Variants in KLHL13 observed in about 807,000 individuals in gnomAD.
The protein encoded by KLHL13 is kelch-like protein 13.
A neutral mutation model predicts 37.1 loss-of-function variants in KLHL13; 10 were observed. The ratio of observed to expected loss-of-function variants is 0.27; its 90% CI spans 0.17 to 0.46. The LOEUF is 0.46. Ranked by LOEUF, KLHL13 falls within the 20% of genes least tolerant of loss-of-function variation. The pLI is 1.00. For missense variants in KLHL13, 360 were observed against 509.3 expected, an observed-to-expected ratio of 0.71 and a Z score of 2.82; for synonymous variants, 163 against 181.2, an observed-to-expected ratio of 0.90 and a Z score of 0.81.
chrX:117,910,903 C>T (rs768849280), intron 4 of KLHL13, among the ~76,000 whole-genome samples: 1 of 111,325 alleles, frequency 9.0e-6, no homozygotes, highest in African/African-American at 3.3e-5. Context: ...ATCTCCCCAC[C>T]ATAGAGCAAA....
At chrX:118,050,982 G>T (rs770589729) in intron 1 of KLHL13, among the ~76,000 whole-genome samples, 6 of 111,261 alleles carry the variant, frequency 5.4e-5, no homozygotes, top group Non-Finnish European at 9.4e-5. Context: ...GCTGCTGCAG[G>T]ATCATAAATG....
chrX:117,927,024 G>T (rs1254895240), intron 2 of KLHL13, among the ~76,000 whole-genome samples: 1 of 102,665 alleles, frequency 9.7e-6, no homozygotes. Context: ...TCCTGCCTCA[G>T]CCTCCCGAGT....
chrX:118,090,774 C>T (rs944785401), intron 1 of KLHL13, among the ~76,000 whole-genome samples: 8 of 109,730 alleles, frequency 7.3e-5, no homozygotes, highest in African/African-American at 2.0e-4. Flanking sequence ...CATCCCATTA[C>T]TGGGTATATA....
At chrX:117,975,738 T>C (rs1483784509), upstream of KLHL13, among the ~76,000 whole-genome samples, 2 of 112,105 alleles carry the variant, frequency 1.8e-5, no homozygotes, top group Admixed American at 1.9e-4. Flanking sequence ...GTAAAAAACA[T>C]GGTAGTGAAG....
At chrX:117,946,778 T>A (rs1033004806) in intron 1 of KLHL13, 19 of 112,192 alleles carry the variant, frequency 1.7e-4, no homozygotes, top group African/African-American at 5.8e-4. Context: ...GGTTTCACCT[T>A]TTTTTCCTGT....
intron 1 of KLHL13, among the ~76,000 whole-genome samples, chrX:118,069,108 G>GACACACACACACACACAC (rs1569307938): frequency 2.7e-5 from 2 of 73,279 alleles, no homozygotes; most frequent in African/African-American, 1.1e-4. Flanking sequence ...ATCCAGAAGA[G>GACACACACACACACACAC]TCACACACAC....
At chrX:118,017,627 G>A (rs2054141938) in intron 1 of KLHL13, among the ~76,000 whole-genome samples, 1 of 111,193 alleles carries the variant, frequency 9.0e-6, no homozygotes, top group South Asian at 3.8e-4. Flanking sequence ...GTGTATATAT[G>A]TGTTATACAC....
intron 5 of KLHL13, among the ~76,000 whole-genome samples, chrX:117,902,250 C>T (rs1182854479): frequency 9.0e-6 from 1 of 111,343 alleles, no homozygotes; most frequent in Non-Finnish European, 1.9e-5. Flanking sequence ...TTTGACATTT[C>T]TCCATTTTCT....
chrX:117,941,333 G>C (rs1330234457), intron 2 of KLHL13, among the ~76,000 whole-genome samples: 1 of 111,817 alleles, frequency 8.9e-6, no homozygotes, highest in East Asian at 2.8e-4. Context: ...TTTGGTATCA[G>C]GATGATGCTG....
In KLHL13 at chrX:117,933,833, A is replaced by G. The variant is rs764254078; in HGVS notation, c.240+11601T>C. ...AGGAGCTCACTGATAGGTGATATTT[A>G]TAACAGATAAAATGTATGAATAGAA... is the stretch of plus-strand genomic sequence containing the variant. On this transcript the variant is annotated intron_variant, in intron 2 of 6. Coordinates refer to ENST00000262820, the Ensembl canonical transcript of KLHL13. 3.6e-5 allele frequency among the ~76,000 whole-genome samples: 4 copies of G among 111,436 alleles called. No homozygotes were observed. In the South Asian group the frequency reaches 1.5e-3, roughly 42 times the overall value.
intron 1 of KLHL13, among the ~76,000 whole-genome samples, chrX:117,950,807 C>T (rs1483248093): frequency 8.9e-6 from 1 of 112,424 alleles, no homozygotes; most frequent in Non-Finnish European, 1.9e-5. Context: ...TGTTTTTCTG[C>T]TCTGAAACAG....
chrX:117,979,791 A>G (rs1425833245), intron 1 of KLHL13, among the ~76,000 whole-genome samples: 1 of 105,677 alleles, frequency 9.5e-6, no homozygotes. Context: ...CATCCAGAAT[A>G]TATATATACT....
chrX:118,052,176 T>C (rs925366467), intron 1 of KLHL13, among the ~76,000 whole-genome samples: 2 of 111,011 alleles, frequency 1.8e-5, no homozygotes, highest in African/African-American at 3.3e-5. Flanking sequence ...ATCTATACCA[T>C]ATGTTTCAGA....
intron 3 of KLHL13, among the ~76,000 whole-genome samples, 154 bp from the exon 5 acceptor site, chrX:117,919,871 A>T (rs1931595948): frequency 9.1e-6 from 1 of 110,304 alleles, no homozygotes; most frequent in Non-Finnish European, 1.9e-5. Context: ...CTGTTAAAAG[A>T]AAGTACTTAA....
intron 1 of KLHL13, among the ~76,000 whole-genome samples, chrX:118,029,537 T>C: frequency 8.9e-6 from 1 of 112,322 alleles, no homozygotes; most frequent in Non-Finnish European, 1.9e-5. Context: ...AGGTAGAATA[T>C]ATTTTATGTA....
intron 1 of KLHL13, among the ~76,000 whole-genome samples, chrX:117,986,537 G>C (rs2053728574): frequency 1.8e-5 from 2 of 111,633 alleles, no homozygotes; most frequent in Non-Finnish European, 1.9e-5. Context: ...ACTAAGCCTA[G>C]CACTAAGAAC....
chrX:117,906,157 G>A (rs1930518776), intron 5 of KLHL13, among the ~76,000 whole-genome samples: 1 of 111,377 alleles, frequency 9.0e-6, no homozygotes, highest in Admixed American at 9.6e-5. Flanking sequence ...GTTAATGTGT[G>A]CGTTGAAGGA....
rs750755409 is a variant in KLHL13 at position 117,991,137 on chromosome X, T to TAAAAAA, written c.-55-45568_-55-45563dup. Among the ~76,000 whole-genome samples the TAAAAAA allele has an allele frequency of 9.5e-5, 8 of 83,889 alleles. 1 individual carries two copies. The highest frequency in any genetic ancestry group is 5.2e-4 in the African/African-American group (7 of 13,334). The allele number at this position is 83,889 out of a possible 115,157, so 72.8% of individuals were successfully genotyped here. On this transcript the variant is annotated intron_variant, in intron 1 of 6. Transcript: ENST00000371882. ...AAGGCTGGAAATTTTCATTAAAAAG[T>TAAAAAA]AAAAAAAAAAAAGTCTTATAAATGA...
At chrX:118,094,634 C>G (rs2055179677) in intron 1 of KLHL13, among the ~76,000 whole-genome samples, 1 of 110,578 alleles carries the variant, frequency 9.0e-6, no homozygotes, top group Admixed American at 9.6e-5. Context: ...TAAGGACAGC[C>G]AGAGAGAAAG....
Sources: gnomAD v4.1 joint callset for allele counts (sites outside exome capture counted in the v4.1 genomes callset) on GRCh38, gnomAD v4.1.1 for gene constraint, MANE v1.5 for transcripts, NCBI Gene and HGNC (gene_info 2026-07-23, HGNC 2026-07-21) for gene names.